The following ANK2 variants were observed in gnomAD, a reference collection of about 807,000 sequenced individuals.
ANK2 encodes ankyrin 2, also known as ankyrin-2.
A neutral mutation model predicts 360.5 loss-of-function variants in ANK2; 83 were observed. The observed-to-expected ratio is 0.23, with a 90% CI of 0.19 to 0.28. The LOEUF (loss-of-function observed/expected upper bound fraction) is 0.28, where lower values mean the gene tolerates loss of function less well. ANK2 is among the 10% of genes least tolerant of loss of function. ANK2 has a pLI of 1.00. For missense variants in ANK2, 4,201 were observed against 4,795.7 expected, an observed-to-expected ratio of 0.88 and a Z score of 3.66; for synonymous variants, 1,740 against 1,759.5, an observed-to-expected ratio of 0.99 and a Z score of 0.28.
At chr4:113,264,452 A>G (rs1159850455) in intron 13 of ANK2, among the ~76,000 whole-genome samples, 2 of 152,194 alleles carry the variant, frequency 1.3e-5, no homozygotes, top group African/African-American at 4.8e-5. Context: ...CTGATTGTGA[A>G]GTGAAACAAC....
chr4:113,312,586 CAT>C (rs1015071602), intron 24 of ANK2, among the ~76,000 whole-genome samples: 1 of 151,748 alleles, frequency 6.6e-6, no homozygotes, highest in Non-Finnish European at 1.5e-5. Context: ...TAGTGGTACA[CAT>C]AGAGTGCCAC....
intron 22 of ANK2, among the ~76,000 whole-genome samples, chr4:113,301,304 A>T (rs1275588589): frequency 1.3e-5 from 2 of 152,070 alleles, no homozygotes; most frequent in Non-Finnish European, 2.9e-5. Context: ...TGGGGTACAC[A>T]TATCTTTTAT....
intron 26 of ANK2, among the ~76,000 whole-genome samples, chr4:113,326,380 TAAAGA>T (rs1448286339): frequency 6.6e-6 from 1 of 152,174 alleles, no homozygotes; most frequent in Non-Finnish European, 1.5e-5. Flanking sequence ...CCTTCTTATT[TAAAGA>T]AAAGACTTCT....
chr4:113,139,872 T>A (rs181260468), intron 1 of ANK2, among the ~76,000 whole-genome samples: 1 of 152,334 alleles, frequency 6.6e-6, no homozygotes, highest in Non-Finnish European at 1.5e-5. Flanking sequence ...AAAATTAAAT[T>A]GGTTAATTGA....
the ANK2 span, among the ~76,000 whole-genome samples, chr4:112,780,153 C>T: frequency 7.3e-5 from 11 of 150,618 alleles, no homozygotes; most frequent in South Asian, 2.1e-3. Context: ...CGCCACTGCA[C>T]TCTAGCCTGG....
intron 15 of ANK2, among the ~76,000 whole-genome samples, chr4:113,275,063 C>T (rs1030780457): frequency 5.9e-5 from 9 of 152,218 alleles, no homozygotes; most frequent in African/African-American, 2.2e-4. Flanking sequence ...AGTACCAGAT[C>T]GAAGCTCAAT....
At chr4:113,251,927 C>G (rs553006796) in intron 10 of ANK2, among the ~76,000 whole-genome samples, 1 of 152,226 alleles carries the variant, frequency 6.6e-6, no homozygotes, top group African/African-American at 2.4e-5. Context: ...GGATACCGCT[C>G]TCCTGGGAGT....
At chr4:112,889,009 C>T (rs530434413) in intron 1 of ANK2, among the ~76,000 whole-genome samples, 26 of 152,150 alleles carry the variant, frequency 1.7e-4, no homozygotes, top group African/African-American at 5.8e-4. Flanking sequence ...ATATTGGTTG[C>T]CTTAGACTGT....
In ANK2 at chr4:113,321,853, C is replaced by T. The variant is rs553900486; in HGVS notation, c.2900+3233C>T. ...GTTCAAGTGATTCTCCTGCCTCAGC[C>T]TCCTGAGTAGCTGGTACTACAGGTG... On this transcript the variant is annotated intron_variant, in intron 26 of 45. Coordinates refer to ENST00000357077, the MANE Select transcript of ANK2 (RefSeq NM_001148.6). Among the ~76,000 whole-genome samples the T allele has an allele frequency of 3.7e-4, 57 of 152,262 alleles. No individual in the cohort carries two copies. In the South Asian group the frequency reaches 4.8e-3, roughly 13 times the overall value.
intron 2 of ANK2, among the ~76,000 whole-genome samples, chr4:112,986,683 T>C (rs2044987756): frequency 6.6e-6 from 1 of 152,226 alleles, no homozygotes; most frequent in Admixed American, 6.5e-5. Flanking sequence ...GAGTGTTTAC[T>C]TCATAGGAGT....
intron 2 of ANK2, among the ~76,000 whole-genome samples, chr4:112,970,481 A>C (rs922034662): frequency 2.0e-5 from 3 of 151,984 alleles, no homozygotes; most frequent in African/African-American, 7.3e-5. Context: ...CAGCCTCCCG[A>C]GTAGCTGGGA....
At chr4:113,295,724 C>CT (rs2070967409) in intron 22 of ANK2, among the ~76,000 whole-genome samples, 1 of 152,176 alleles carries the variant, frequency 6.6e-6, no homozygotes. Context: ...AGTTAGGACA[C>CT]TAAGAAATCA....
chr4:112,852,907 G>A (rs2065357510), intron 1 of ANK2, among the ~76,000 whole-genome samples: 1 of 152,114 alleles, frequency 6.6e-6, no homozygotes, highest in Non-Finnish European at 1.5e-5. Flanking sequence ...AAAACATTTG[G>A]GTGCATGTAA....
intron 39 of ANK2, among the ~76,000 whole-genome samples, chr4:113,363,038 G>C (rs1041864522): frequency 1.3e-5 from 2 of 152,024 alleles, no homozygotes; most frequent in Non-Finnish European, 2.9e-5. Context: ...AAGTATTAAT[G>C]ATCTCATTTG....
chr4:113,289,020 A>G (rs2066182546), intron 20 of ANK2, among the ~76,000 whole-genome samples: 1 of 152,112 alleles, frequency 6.6e-6, no homozygotes, highest in Admixed American at 6.5e-5. Flanking sequence ...GTGGCATTTG[A>G]AAGGTCCTAT....
chr4:113,192,468 T>TAGC (rs2098683014), intron 2 of ANK2, among the ~76,000 whole-genome samples: 1 of 152,172 alleles, frequency 6.6e-6, no homozygotes, highest in African/African-American at 2.4e-5. Context: ...CCATGCTGAT[T>TAGC]AGCAGTCCAT....
intron 22 of ANK2, among the ~76,000 whole-genome samples, chr4:113,293,963 A>T (rs2069472913): frequency 6.6e-6 from 1 of 152,188 alleles, no homozygotes; most frequent in Non-Finnish European, 1.5e-5. Context: ...TGTGCTCATG[A>T]CTGGATCAAA....
chr4:113,367,977 C>G, intron 42 of ANK2, 126 bp downstream of exon 42: 2 of 1,172,564 alleles, frequency 1.7e-6, no homozygotes, highest in Non-Finnish European at 2.4e-6. Flanking sequence ...ACACAAGTGC[C>G]AGAGCTAAAG....
chr4:112,739,475 G>A, the ANK2 span, among the ~76,000 whole-genome samples: 14 of 152,074 alleles, frequency 9.2e-5, no homozygotes, highest in East Asian at 3.9e-4. Context: ...TTAGCCCGGC[G>A]TGGTGGCTCG....
Sources: gnomAD v4.1 joint callset for allele counts (sites outside exome capture counted in the v4.1 genomes callset) on GRCh38, gnomAD v4.1.1 for gene constraint, MANE v1.5 for transcripts, NCBI Gene and HGNC (gene_info 2026-07-23, HGNC 2026-07-21) for gene names.